The following ZNF704 variants were observed in gnomAD, a reference collection of about 807,000 sequenced individuals.
The protein encoded by ZNF704 is zinc finger protein 704.
In ZNF704, 10 loss-of-function variants were observed where a neutral mutation model predicts 44.7. That is an observed-to-expected ratio of 0.22 (90% CI 0.14 to 0.38). The LOEUF (loss-of-function observed/expected upper bound fraction) is 0.38, where lower values mean the gene tolerates loss of function less well. Ranked by LOEUF, ZNF704 falls within the 10% of genes least tolerant of loss-of-function variation. ZNF704 has a pLI of 1.00. For missense variants in ZNF704, 390 were observed against 545.5 expected (o/e 0.71, Z 2.84); for synonymous variants, 211 against 207.6 (o/e 1.02, Z -0.14).
intron 2 of ZNF704, among the ~76,000 whole-genome samples, chr8:80,768,754 C>G (rs571875248): frequency 9.9e-5 from 15 of 152,202 alleles, no homozygotes; most frequent in African/African-American, 3.6e-4. Flanking sequence ...CTTCCCAACC[C>G]CGTGTTTAGA....
chr8:80,730,270 G>T (rs1585986338), intron 2 of ZNF704, among the ~76,000 whole-genome samples: 1 of 152,134 alleles, frequency 6.6e-6, no homozygotes, highest in East Asian at 1.9e-4. Flanking sequence ...CATTTAAACA[G>T]TTGTGCATTT....
At chr8:80,671,185 C>T (rs550373308) in intron 4 of ZNF704, among the ~76,000 whole-genome samples, 13 of 152,164 alleles carry the variant, frequency 8.5e-5, no homozygotes, top group African/African-American at 2.6e-4. Flanking sequence ...TGGAGTGCAG[C>T]GGCACAATCT....
rs1052712226 is a variant in ZNF704, at chr8:80,640,390, GA to G, written c.*975del. The G allele has an allele frequency of 6.6e-6, 1 of 152,614 alleles. No homozygotes were observed. Among genetic ancestry groups the G allele is most frequent in the African/African-American group, 2.4e-5 (1 of 41,432 alleles). 9.5% of individuals were successfully genotyped at this position (152,614 alleles called of 1,614,324 possible). A position where few individuals can be genotyped will look rare whatever the true frequency, so the allele number is the denominator to read the frequency against. On this transcript the variant is annotated 3_prime_UTR_variant, in exon 9 of 9. Transcript: ENST00000327835. ...CAGTTTGGAGTTCTCTACCTCTTCT[GA>G]AATCAGTCAGTGGTGGAGTCTGGAG...
intron 4 of ZNF704, among the ~76,000 whole-genome samples, chr8:80,675,299 G>A (rs961822439): frequency 6.6e-6 from 1 of 152,158 alleles, no homozygotes; most frequent in African/African-American, 2.4e-5. Context: ...AAAGAATGAC[G>A]GTGTGTTTAG....
chr8:80,673,869 T>C (rs965617471), intron 4 of ZNF704, among the ~76,000 whole-genome samples: 3 of 152,236 alleles, frequency 2.0e-5, no homozygotes, highest in African/African-American at 7.2e-5. Context: ...ACTGTTCACA[T>C]GGGCTTCGTG....
rs150776922 is a variant in ZNF704, at chr8:80,664,518, G to A, written c.927+297C>T. Among the ~76,000 whole-genome samples the A allele has an allele frequency of 7.0e-3, 1,066 of 152,160 alleles. 17 individuals carry two copies. Among genetic ancestry groups the A allele is most frequent in the African/African-American group, 0.022 (923 of 41,516 alleles). ...ACTCCCGACCTCAGGTGATCCGCCCGCCTCAGCCTCCCAGAGTGTTTGGGA... is the reference window on the plus strand; with the variant it reads ...ACTCCCGACCTCAGGTGATCCGCCCACCTCAGCCTCCCAGAGTGTTTGGGA... On this transcript the variant is annotated intron_variant, in intron 6 of 8. Transcript: ENST00000327835.
At chr8:80,830,389 A>G (rs1808450270) in intron 1 of ZNF704, among the ~76,000 whole-genome samples, 1 of 152,212 alleles carries the variant, frequency 6.6e-6, no homozygotes, top group South Asian at 2.1e-4. Flanking sequence ...AAAGGAAAAT[A>G]TAATTCCATT....
At chr8:80,765,574 T>C (rs1010898274) in intron 2 of ZNF704, among the ~76,000 whole-genome samples, 3 of 152,180 alleles carry the variant, frequency 2.0e-5, no homozygotes, top group South Asian at 2.1e-4. Context: ...CTATCCTGCA[T>C]ATAGCCGAAA....
Position 80,636,969 on chromosome 8 carries a change from T to C in ZNF704, c.*4397A>G, listed in dbSNP as rs1039230395. The C allele has an allele frequency of 6.6e-6, 1 of 152,242 alleles. No individual in the cohort carries two copies. Among genetic ancestry groups the C allele is most frequent in the Non-Finnish European group, 1.5e-5 (1 of 68,016 alleles). The allele number at this position is 152,242 out of a possible 1,614,324, so 9.4% of individuals were successfully genotyped here. On this transcript the variant is annotated 3_prime_UTR_variant, in exon 9 of 9. Coordinates refer to ENST00000327835, the MANE Select transcript of ZNF704 (RefSeq NM_001033723.3). The stretch of plus-strand genomic sequence containing the variant: ...TAAACAGTCATCCATTGGGTAATGA[T>C]AAAAAGGACCAGCAAGGCTTTGTAT...
Position 80,634,308 on chromosome 8 carries a change from G to A in ZNF704, c.*7058C>T, listed in dbSNP as rs953198632. ...GAGTGAGAGAGCTGGATAACTCAGC[G>A]TATCTATATTCAAGTCTGCCATGAG... On this transcript the variant is annotated 3_prime_UTR_variant, in exon 9 of 9. Transcript: ENST00000327835. 2.6e-5 allele frequency: 4 copies of A among 152,246 alleles called. No homozygotes were observed. The highest frequency in any genetic ancestry group is 7.2e-5 in the African/African-American group (3 of 41,454). 9.4% of individuals were successfully genotyped at this position (152,246 alleles called of 1,614,324 possible).
chr8:80,822,477 T>C (rs962562788), intron 1 of ZNF704, among the ~76,000 whole-genome samples: 1 of 152,238 alleles, frequency 6.6e-6, no homozygotes, highest in African/African-American at 2.4e-5. Context: ...TCCAACTCTT[T>C]GCTATTGTGA....
intron 2 of ZNF704, among the ~76,000 whole-genome samples, chr8:80,781,771 G>C (rs1037170848): frequency 6.6e-6 from 1 of 152,154 alleles, no homozygotes; most frequent in East Asian, 1.9e-4. Context: ...GCATGCCATA[G>C]ACTTAAAAAT....
upstream of ZNF704, among the ~76,000 whole-genome samples, chr8:80,877,083 A>T (rs1327206532): frequency 2.0e-5 from 3 of 147,686 alleles, no homozygotes; most frequent in African/African-American, 7.5e-5. Context: ...ATTGCTGTAT[A>T]TGCTTTGAAA....
At chr8:80,696,719 G>C (rs1038947348) in intron 2 of ZNF704, among the ~76,000 whole-genome samples, 1 of 152,172 alleles carries the variant, frequency 6.6e-6, no homozygotes, top group Non-Finnish European at 1.5e-5. Flanking sequence ...CGCCCGGCCA[G>C]ATTTCTTTGA....
chr8:80,882,032 C>T, the ZNF704 span, among the ~76,000 whole-genome samples: 1 of 152,212 alleles, frequency 6.6e-6, no homozygotes, highest in East Asian at 1.9e-4. Flanking sequence ...AATATTGTGT[C>T]AAGCTGTGCA....
At chr8:80,843,842 C>G (rs1269608599) in intron 1 of ZNF704, among the ~76,000 whole-genome samples, 2 of 151,878 alleles carry the variant, frequency 1.3e-5, no homozygotes, top group African/African-American at 4.8e-5. Context: ...TTTAGTAGAC[C>G]TTTGAAAAGA....
At chr8:80,777,374 A>G (rs771149571) in intron 2 of ZNF704, among the ~76,000 whole-genome samples, 3 of 152,202 alleles carry the variant, frequency 2.0e-5, no homozygotes, top group Non-Finnish European at 2.9e-5. Flanking sequence ...CTATTTTTAA[A>G]GAGTTTTCCT....
chr8:80,700,553 C>A (rs116919849), intron 2 of ZNF704, among the ~76,000 whole-genome samples: 2 of 152,146 alleles, frequency 1.3e-5, no homozygotes, highest in Non-Finnish European at 2.9e-5. Context: ...TTTCAGTGAA[C>A]GATTCTCAGG....
chr8:80,826,022 G>C (rs1028042442), intron 1 of ZNF704, among the ~76,000 whole-genome samples: 3 of 152,004 alleles, frequency 2.0e-5, no homozygotes, highest in African/African-American at 7.3e-5. Flanking sequence ...AAGAACTAGA[G>C]AAGCAAGAGC....
Sources: allele counts gnomAD v4.1 joint callset (sites outside exome capture counted in the v4.1 genomes callset), GRCh38; gene constraint gnomAD v4.1.1; transcripts MANE v1.5; gene names NCBI Gene and HGNC (gene_info 2026-07-23, HGNC 2026-07-21).